The following CEP76 variants were observed in gnomAD, a reference collection of about 807,000 sequenced individuals.
CEP76 encodes the protein centrosomal protein of 76 kDa.
A neutral mutation model predicts 83.3 loss-of-function variants in CEP76; 55 were observed. The ratio of observed to expected loss-of-function variants is 0.66; its 90% confidence interval spans 0.53 to 0.83. CEP76 has a LOEUF of 0.83. Among genes scored for constraint, CEP76 ranks in the 40% least tolerant of loss-of-function variants. The pLI, the probability that CEP76 is intolerant of heterozygous loss-of-function variation, is 0.00. For missense variants in CEP76, 694 were observed against 799.5 expected, an observed-to-expected ratio of 0.87 and a Z score of 1.59; for synonymous variants, 270 against 274.5, an observed-to-expected ratio of 0.98 and a Z score of 0.16.
intron 8 of CEP76, chr18:12,685,973 T>A (rs115508818): frequency 1.3e-3 from 320 of 244,734 alleles, no homozygotes; most frequent in African/African-American, 7.0e-3. Context: ...CACATCCTCC[T>A]ATATACTTTA....
chr18:12,701,249 AAAGAATGAATCTTTTG>A (rs2040140164), intron 1 of CEP76, 136 bp from the exon 2 acceptor site: 5 of 630,302 alleles, frequency 7.9e-6, no homozygotes, highest in African/African-American at 1.8e-5. Flanking sequence ...GTAAGCTTTT[AAAGAATGAATCTTTTG>A]AGTACAAATT....
At chr18:12,700,209 T>G (rs1438076463) in intron 2 of CEP76, 1 of 192,568 alleles carries the variant, frequency 5.2e-6, no homozygotes, top group African/African-American at 2.3e-5. Context: ...GTAAACCTTA[T>G]GTAACAGTTG....
chr18:12,699,859 C>T lies in CEP76; in HGVS notation c.266G>A (p.Cys89Tyr). 2 of 1,584,980 alleles carry T rather than the reference C, an allele frequency of 1.3e-6. No homozygotes were observed. Among genetic ancestry groups the T allele is most frequent in the Non-Finnish European group, 1.7e-6 (2 of 1,165,036 alleles). ...TTTTAATGTCGATTGTCTATCAAAACAAATAGGTTGTTTTGGAGAGGAAGG... is the reference window on the plus strand; with the variant it reads ...TTTTAATGTCGATTGTCTATCAAAATAAATAGGTTGTTTTGGAGAGGAAGG... Reference protein sequence around the residue: ...ELPSSPKQPICFDRQSTLKKT... With the variant: ...ELPSSPKQPIYFDRQSTLKKT... The change falls in exon 3 of 12, where the codon TGT becomes TAT. Residue 89 changes from cysteine to tyrosine, a missense_variant. By Grantham distance (194) the Cys-to-Tyr change is radical (BLOSUM62 -2). Coordinates refer to ENST00000262127, the MANE Select transcript of CEP76 (RefSeq NM_024899.4).
chr18:12,701,785 T>C (rs1284847133), intron 1 of CEP76, among the ~76,000 whole-genome samples: 2 of 152,200 alleles, frequency 1.3e-5, no homozygotes, highest in South Asian at 2.1e-4. Flanking sequence ...GAATTGCTGA[T>C]TGAAGCTCCT....
rs1568025740 is a variant in CEP76 at position 12,691,171 on chromosome 18, A to G, written c.933+188T>C. 5 of 415,306 alleles carry G rather than the reference A, an allele frequency of 1.2e-5. No individual in the cohort carries two copies. In the East Asian group the frequency reaches 1.8e-4, roughly 15 times the overall value. The allele number at this position is 415,306 out of a possible 1,614,324, so 25.7% of individuals were successfully genotyped here. A position where few individuals can be genotyped will look rare whatever the true frequency, so the allele number is the denominator to read the frequency against. On this transcript the variant is annotated intron_variant, in intron 7 of 11. Coordinates refer to ENST00000262127, the MANE Select transcript of CEP76 (RefSeq NM_024899.4). ...CACAATAACTGAAATTGAAAGTAAA[A>G]TAAGACATAGATTGATCTTGCCACT...
intron 9 of CEP76, among the ~76,000 whole-genome samples, chr18:12,680,355 G>A (rs2039300884): frequency 6.6e-6 from 1 of 151,880 alleles, no homozygotes; most frequent in Non-Finnish European, 1.5e-5. Context: ...CAGCACTTTG[G>A]GAGGCTGAGG....
At chr18:12,699,406 C>T (rs992728437) in intron 3 of CEP76, among the ~76,000 whole-genome samples, 1 of 152,116 alleles carries the variant, frequency 6.6e-6, no homozygotes, top group African/African-American at 2.4e-5. Flanking sequence ...ATATTCTTTT[C>T]TGAGTTTACA....
downstream of CEP76, chr18:12,671,289 AC>A (rs1568006845): frequency 3.3e-5 from 5 of 152,102 alleles, no homozygotes. Context: ...TTTTCGAAAA[AC>A]GAAATCATTT....
intron 8 of CEP76, among the ~76,000 whole-genome samples, chr18:12,682,282 C>G (rs1281797317): frequency 6.6e-6 from 1 of 151,768 alleles, no homozygotes; most frequent in African/African-American, 2.4e-5. Flanking sequence ...CTTGATGTCC[C>G]CAGCTCAAGT....
chr18:12,699,252 G>T, intron 3 of CEP76, 49 bp from the exon 4 acceptor site: 2 of 1,269,140 alleles, frequency 1.6e-6, no homozygotes, highest in Admixed American at 2.0e-5. Flanking sequence ...TAACTTAAAA[G>T]AATGTGATCA....
rs1018431380 is a variant in CEP76 at position 12,677,430 on chromosome 18, C to T, written c.1623+679G>A. Among the ~76,000 whole-genome samples, 3 of 134,524 alleles carry T rather than the reference C, an allele frequency of 2.2e-5. No individual in the cohort carries two copies. The Admixed American group carries it at 2.7e-4, about 12-fold the overall frequency. The allele number at this position is 134,524 out of a possible 152,430, so 88.3% of individuals were successfully genotyped here. A position where few individuals can be genotyped will look rare whatever the true frequency, so the allele number is the denominator to read the frequency against. On this transcript the variant is annotated intron_variant, in intron 10 of 11. Transcript: ENST00000262127. ...CAAGATCACGCCACTGCGCTCCAGC[C>T]TGGGTGACAGAGCGAGAGATTCCAT...
At chr18:12,695,227 A>G in intron 6 of CEP76, 27 bp downstream of exon 6, 1 of 1,067,994 alleles carries the variant, frequency 9.4e-7, no homozygotes, top group Non-Finnish European at 1.4e-6. Flanking sequence ...CAAACACACA[A>G]AAAAAGAGAA....
At chr18:12,669,933 G>GTTGCGGTGAGCTGAGA (rs2038899497), downstream of CEP76, among the ~76,000 whole-genome samples, 2 of 149,454 alleles carry the variant, frequency 1.3e-5, no homozygotes, top group African/African-American at 4.9e-5. Context: ...GGAGGCGGAG[G>GTTGCGGTGAGCTGAGA]TTGCGGTGAG....
At chr18:12,669,123 C>G (rs368472746), downstream of CEP76, among the ~76,000 whole-genome samples, 1 of 118,860 alleles carries the variant, frequency 8.4e-6, no homozygotes, top group Admixed American at 8.9e-5. Flanking sequence ...ACGGCAACCT[C>G]TTTTTTTTTG....
chr18:12,674,257 G>A (rs984980677), intron 11 of CEP76, among the ~76,000 whole-genome samples: 2 of 151,820 alleles, frequency 1.3e-5, no homozygotes, highest in Non-Finnish European at 2.9e-5. Flanking sequence ...GGCAACATAG[G>A]AAGACCCCCA....
intron 12 of CEP76, among the ~76,000 whole-genome samples, chr18:12,665,705 A>T (rs931663089): frequency 7.2e-5 from 11 of 152,154 alleles, no homozygotes; most frequent in African/African-American, 2.6e-4. Flanking sequence ...ATTTTTTTTT[A>T]ATTTTTTTTG....
chr18:12,672,955 A>T lies in CEP76; in HGVS notation c.*410T>A. 1.0e-6 allele frequency: 1 copy of T among 984,948 alleles called. No homozygotes were observed. The highest frequency in any genetic ancestry group is 4.7e-5 in the South Asian group (1 of 21,368). 61.0% of individuals were successfully genotyped at this position (984,948 alleles called of 1,614,324 possible). A position where few individuals can be genotyped will look rare whatever the true frequency, so the allele number is the denominator to read the frequency against. On this transcript the variant is annotated 3_prime_UTR_variant, in exon 12 of 12. Coordinates refer to ENST00000262127, the MANE Select transcript of CEP76 (RefSeq NM_024899.4). Reference sequence around the variant, plus strand: ...ATGAGGTTAATTTCTCCTAATCTGTATAAAATAATTCCATTAACCTGTGAA... The same window carrying T: ...ATGAGGTTAATTTCTCCTAATCTGTTTAAAATAATTCCATTAACCTGTGAA...
Position 12,681,256 on chromosome 18 carries a change from A to ATTT in CEP76, c.1123-431_1123-429dup, listed in dbSNP as rs34816720. Among the ~76,000 whole-genome samples the ATTT allele has an allele frequency of 1.4e-3, 161 of 115,344 alleles. 3 individuals carry two copies. The highest frequency in any genetic ancestry group is 1.9e-3 in the Non-Finnish European group (110 of 58,256). 75.7% of individuals were successfully genotyped at this position (115,344 alleles called of 152,430 possible). A position where few individuals can be genotyped will look rare whatever the true frequency, so the allele number is the denominator to read the frequency against. On this transcript the variant is annotated intron_variant, in intron 8 of 11. Coordinates refer to ENST00000262127, the MANE Select transcript of CEP76 (RefSeq NM_024899.4). ...CACAACACAGAAAGAAAAGTAGAAC[A>ATTT]TTTTTTTTTTTTTTTTTTTTTGAGA...
Position 12,691,475 on chromosome 18 carries a change from G to A in CEP76, c.817C>T (p.Arg273Cys), listed in dbSNP as rs1439661295. ...CGCTCTTTCTCTGCAGTTTTCTGACGTTCCAAAGCAAGCTTGAAATTGAAA... is the reference window on the plus strand; with the variant it reads ...CGCTCTTTCTCTGCAGTTTTCTGACATTCCAAAGCAAGCTTGAAATTGAAA... ...EVVNTQLALE[R>C]QKTAEKERLF... Residue 273 changes from arginine to cysteine, a missense_variant, in exon 7 of 12, where the codon CGT (arginine) becomes TGT (cysteine). Physicochemically the swap from Arg to Cys is radical, Grantham distance 180. Coordinates refer to ENST00000262127, the MANE Select transcript of CEP76 (RefSeq NM_024899.4). 8 of 1,591,468 alleles carry A rather than the reference G, an allele frequency of 5.0e-6. No individual in the cohort carries two copies. Among genetic ancestry groups the A allele is most frequent in the South Asian group, 1.2e-5 (1 of 85,980 alleles).
Sources: allele counts gnomAD v4.1 joint callset (sites outside exome capture counted in the v4.1 genomes callset), GRCh38; gene constraint gnomAD v4.1.1; transcripts MANE v1.5; gene names NCBI Gene and HGNC (gene_info 2026-07-23, HGNC 2026-07-21).